Variants in ADAMTSL1 observed in about 807,000 individuals in gnomAD.
The protein encoded by ADAMTSL1 is ADAMTS like 1.
A neutral mutation model predicts 201.8 loss-of-function variants in ADAMTSL1; 126 were observed. The ratio of observed to expected loss-of-function variants is 0.62; its 90% CI spans 0.54 to 0.72. The LOEUF is 0.72. Among genes scored for constraint, ADAMTSL1 ranks in the 30% least tolerant of loss-of-function variants. The pLI, the probability that ADAMTSL1 is intolerant of heterozygous loss-of-function variation, is 0.00. For missense variants in ADAMTSL1, 2,679 were observed against 2,277.8 expected, an observed-to-expected ratio of 1.18 and a Z score of -3.59; for synonymous variants, 1,121 against 903.4, an observed-to-expected ratio of 1.24 and a Z score of -4.32.
chr9:18,716,070 T>A (rs1832910707), intron 14 of ADAMTSL1, among the ~76,000 whole-genome samples: 1 of 150,766 alleles, frequency 6.6e-6, no homozygotes, highest in Admixed American at 6.6e-5. Context: ...TCCTTACACC[T>A]TATACAAAAA....
chr9:18,567,207 T>C (rs2132317288), intron 3 of ADAMTSL1, among the ~76,000 whole-genome samples: 1 of 152,198 alleles, frequency 6.6e-6, no homozygotes, highest in South Asian at 2.1e-4. Context: ...GCTCATGCCG[T>C]TAATCTCAGC....
rs954481102 is a variant in ADAMTSL1, at chr9:18,909,624, A to G, written c.*1076A>G. ...GCCAGGGACTATGGTTAACTTATCA[A>G]CATCAACCCATTAACTAGTCACTGT... is the stretch of plus-strand genomic sequence containing the variant. On this transcript the variant is annotated 3_prime_UTR_variant, in exon 29 of 29. Transcript: ENST00000380548. The G allele has an allele frequency of 1.3e-5, 2 of 151,426 alleles. No individual in the cohort carries two copies. The highest frequency in any genetic ancestry group is 2.9e-5 in the Non-Finnish European group (2 of 67,956). 9.4% of individuals were successfully genotyped at this position (151,426 alleles called of 1,614,324 possible).
rs1823147139 is a variant in ADAMTSL1 at position 18,074,895 on chromosome 9, C to G, written c.88-88967C>G. ...CGTGAGCCATGGTGCCCAGCCTCAC[C>G]ACATTGCATTTCCCCTCACTGGAAA... is the stretch of plus-strand genomic sequence containing the variant. On this transcript the variant is annotated intron_variant, in intron 1 of 29. Coordinates refer to the ADAMTSL1 transcript ENST00000680146. 2.0e-5 allele frequency among the ~76,000 whole-genome samples: 3 copies of G among 152,154 alleles called. No homozygotes were observed. In the South Asian group the frequency reaches 6.2e-4, roughly 32 times the overall value.
At chr9:18,637,434 C>T (rs1827173544) in intron 6 of ADAMTSL1, among the ~76,000 whole-genome samples, 1 of 152,122 alleles carries the variant, frequency 6.6e-6, no homozygotes, top group South Asian at 2.1e-4. Context: ...ACTGACTCTT[C>T]ATTGCGGAAG....
At chr9:18,151,160 C>T (rs1587165834) in intron 1 of ADAMTSL1, among the ~76,000 whole-genome samples, 1 of 151,948 alleles carries the variant, frequency 6.6e-6, no homozygotes, top group Non-Finnish European at 1.5e-5. Flanking sequence ...TCATCTGTGA[C>T]CTTAATGCAT....
At chr9:18,044,627 T>G (rs965598130) in intron 1 of ADAMTSL1, among the ~76,000 whole-genome samples, 1 of 152,138 alleles carries the variant, frequency 6.6e-6, no homozygotes, top group Non-Finnish European at 1.5e-5. Context: ...AGGAAAACAG[T>G]GGATATAGAT....
At chr9:18,720,348 T>G (rs932854849) in intron 14 of ADAMTSL1, among the ~76,000 whole-genome samples, 1 of 152,214 alleles carries the variant, frequency 6.6e-6, no homozygotes, top group African/African-American at 2.4e-5. Flanking sequence ...CTTTGTGCAG[T>G]TGTTGAGAGG....
At chr9:18,430,200 G>T (rs924508211) in intron 2 of ADAMTSL1, among the ~76,000 whole-genome samples, 3 of 152,166 alleles carry the variant, frequency 2.0e-5, no homozygotes, top group African/African-American at 7.2e-5. Flanking sequence ...AGTTGGGCCT[G>T]AGATTGCGCA....
intron 14 of ADAMTSL1, among the ~76,000 whole-genome samples, chr9:18,716,339 C>T (rs1832929143): frequency 6.6e-6 from 1 of 151,530 alleles, no homozygotes; most frequent in Non-Finnish European, 1.5e-5. Flanking sequence ...ACCTACTCAT[C>T]TGACAAAGGG....
intron 28 of ADAMTSL1, chr9:18,907,428 G>A (rs1230262311): frequency 1.3e-5 from 2 of 152,398 alleles, no homozygotes; most frequent in Non-Finnish European, 2.9e-5. Context: ...CCCCAGCCTT[G>A]GAATTTGATA....
intron 23 of ADAMTSL1, among the ~76,000 whole-genome samples, chr9:18,883,591 C>T (rs111376109): frequency 1.1e-4 from 16 of 152,324 alleles, no homozygotes; most frequent in African/African-American, 3.6e-4. Context: ...TTCTCCCAGC[C>T]TCTGGTAGCC....
chr9:17,995,285 T>A (rs1398275672), intron 1 of ADAMTSL1, among the ~76,000 whole-genome samples: 1 of 152,120 alleles, frequency 6.6e-6, no homozygotes, highest in East Asian at 1.9e-4. Flanking sequence ...TTAGGTCCAA[T>A]CAAGGCGTGG....
intron 4 of ADAMTSL1, 42 bp from the exon 5 acceptor site, chr9:18,622,201 G>T (rs200661501): frequency 1.2e-6 from 2 of 1,602,042 alleles, no homozygotes; most frequent in Non-Finnish European, 8.5e-7. Context: ...TTTTGCCATC[G>T]GTAGGTGCTT....
chr9:18,305,429 C>T (rs1165675620), intron 2 of ADAMTSL1, among the ~76,000 whole-genome samples: 3 of 152,224 alleles, frequency 2.0e-5, no homozygotes, highest in Admixed American at 6.5e-5. Context: ...CCGACCCCCA[C>T]AGAGCCCAGC....
At chr9:18,602,499 C>A (rs1824727016) in intron 4 of ADAMTSL1, among the ~76,000 whole-genome samples, 1 of 152,196 alleles carries the variant, frequency 6.6e-6, no homozygotes, top group Admixed American at 6.5e-5. Flanking sequence ...TGGATTCAAG[C>A]CCCAGACTGG....
chr9:17,909,384 G>A (rs1014221643), intron 1 of ADAMTSL1, among the ~76,000 whole-genome samples: 3 of 146,366 alleles, frequency 2.0e-5, no homozygotes, highest in African/African-American at 4.9e-5. Flanking sequence ...TTTTATACAT[G>A]AAGTCCTTGC....
intron 1 of ADAMTSL1, among the ~76,000 whole-genome samples, chr9:18,030,396 G>T (rs568646923): frequency 1.3e-3 from 199 of 152,146 alleles, no homozygotes; most frequent in African/African-American, 4.4e-3. Flanking sequence ...GGGGACTGTT[G>T]TGTGGTGGGG....
chr9:18,669,511 C>T (rs1177569767), intron 9 of ADAMTSL1, among the ~76,000 whole-genome samples: 1 of 151,724 alleles, frequency 6.6e-6, no homozygotes, highest in Non-Finnish European at 1.5e-5. Flanking sequence ...CGGTGGAAGC[C>T]CAGATAAATG....
intron 2 of ADAMTSL1, among the ~76,000 whole-genome samples, chr9:18,389,791 AG>A (rs1837968016): frequency 6.6e-6 from 1 of 152,238 alleles, no homozygotes; most frequent in Non-Finnish European, 1.5e-5. Flanking sequence ...TCCCATAAAG[AG>A]AAAAACAATT....
Sources: gnomAD v4.1 joint callset for allele counts (sites outside exome capture counted in the v4.1 genomes callset) on GRCh38, gnomAD v4.1.1 for gene constraint, MANE v1.5 for transcripts, NCBI Gene and HGNC (gene_info 2026-07-23, HGNC 2026-07-21) for gene names.